Variants in ACOXL observed in about 807,000 individuals in gnomAD.
The protein encoded by ACOXL is acyl-CoA oxidase like.
ACOXL carries 70 observed loss-of-function variants against 71.9 expected under a neutral mutation model. The observed-to-expected ratio is 0.97, with a 90% CI of 0.80 to 1.19. The LOEUF is 1.19. Ranked by LOEUF, ACOXL falls within the 50% of genes most tolerant of loss-of-function variation. ACOXL has a pLI of 0.00. For synonymous variants in ACOXL, 253 were observed against 281.6 expected, an observed-to-expected ratio of 0.90 and a Z score of 1.02; for missense variants, 703 against 736.3, an observed-to-expected ratio of 0.95 and a Z score of 0.52.
chr2:110,929,219 T>C (rs890560706), intron 11 of ACOXL, among the ~76,000 whole-genome samples: 2 of 152,154 alleles, frequency 1.3e-5, no homozygotes, highest in African/African-American at 2.4e-5. Context: ...GATAATGATA[T>C]GGACAATGAA....
chr2:110,801,749 G>A, intron 8 of ACOXL, 25 bp downstream of exon 8: 1 of 1,603,812 alleles, frequency 6.2e-7, no homozygotes, highest in Non-Finnish European at 8.5e-7. Context: ...CTTAACTCAG[G>A]TCAATGGTGC....
chr2:110,776,952 G>A (rs1682726784), intron 2 of ACOXL, among the ~76,000 whole-genome samples: 2 of 151,778 alleles, frequency 1.3e-5, no homozygotes, highest in African/African-American at 4.8e-5. Flanking sequence ...GCAGGAATGG[G>A]GATTCTACTG....
At chr2:111,108,206 TAAATA>T (rs1383513726) in intron 17 of ACOXL, among the ~76,000 whole-genome samples, 1 of 152,112 alleles carries the variant, frequency 6.6e-6, no homozygotes, top group Non-Finnish European at 1.5e-5. Flanking sequence ...AGTTACCCTT[TAAATA>T]AAATAATAAT....
rs557961080 is a variant in ACOXL, at chr2:111,094,602, C to G, written c.1542+1636C>G. On this transcript the variant is annotated intron_variant, in intron 17 of 17. Coordinates refer to ENST00000439055, the MANE Select transcript of ACOXL (RefSeq NM_001142807.4). ...ACACTCCTGAGATGACAGCATTAAT[C>G]CATTCATGAGGGCAGAGCTGTCATG... Among the ~76,000 whole-genome samples, 3 of 152,296 alleles carry G rather than the reference C, an allele frequency of 2.0e-5. No homozygotes were observed. In the East Asian group the frequency reaches 5.8e-4, roughly 29 times the overall value.
intron 12 of ACOXL, among the ~76,000 whole-genome samples, chr2:110,980,135 T>C (rs916811737): frequency 1.3e-5 from 2 of 152,212 alleles, no homozygotes; most frequent in African/African-American, 4.8e-5. Flanking sequence ...ATCCTGGGCT[T>C]AGCCCCTCTG....
At chr2:111,063,669 T>C (rs2066921714) in intron 16 of ACOXL, among the ~76,000 whole-genome samples, 2 of 152,182 alleles carry the variant, frequency 1.3e-5, no homozygotes, top group African/African-American at 4.8e-5. Context: ...TAGCTAACAT[T>C]ATACTTAGTG....
chr2:111,059,474 A>T (rs1346333564), intron 16 of ACOXL, among the ~76,000 whole-genome samples: 1 of 152,256 alleles, frequency 6.6e-6, no homozygotes, highest in Non-Finnish European at 1.5e-5. Context: ...TGGATGAAAA[A>T]TAACACCCAA....
At chr2:110,841,179 A>T (rs192707061) in intron 9 of ACOXL, among the ~76,000 whole-genome samples, 192 bp from the exon 10 acceptor site, 1 of 152,328 alleles carries the variant, frequency 6.6e-6, no homozygotes, top group African/African-American at 2.4e-5. Flanking sequence ...CTCTTTCAAA[A>T]TACAAATTAT....
intron 12 of ACOXL, among the ~76,000 whole-genome samples, chr2:110,972,636 C>T (rs974066333): frequency 2.5e-5 from 3 of 120,270 alleles, no homozygotes; most frequent in Admixed American, 1.9e-4. Flanking sequence ...CGCACATGCA[C>T]ACACACACAC....
Position 110,803,206 on chromosome 2 carries a change from C to A in ACOXL, c.620+1482C>A, listed in dbSNP as rs558347661. Among the ~76,000 whole-genome samples the A allele has an allele frequency of 2.6e-5, 4 of 152,202 alleles. No individual in the cohort carries two copies. In the South Asian group the frequency reaches 8.3e-4, roughly 32 times the overall value. Reference sequence around the variant, plus strand: ...AGCATTCATATGGAAATGCAGGAAACTTAGAATAGCCAAAACAATCTTGAT... The same window carrying A: ...AGCATTCATATGGAAATGCAGGAAAATTAGAATAGCCAAAACAATCTTGAT... On this transcript the variant is annotated intron_variant, in intron 8 of 17. Coordinates refer to ENST00000439055, the MANE Select transcript of ACOXL (RefSeq NM_001142807.4).
At chr2:110,774,935 A>G (rs1218542184) in intron 2 of ACOXL, among the ~76,000 whole-genome samples, 1 of 152,262 alleles carries the variant, frequency 6.6e-6, no homozygotes, top group Non-Finnish European at 1.5e-5. Flanking sequence ...CAAAGCTACT[A>G]TAATCAAAAC....
intron 10 of ACOXL, chr2:110,887,815 C>A (rs1697481883): frequency 6.6e-6 from 1 of 152,082 alleles, no homozygotes; most frequent in Admixed American, 6.5e-5. Flanking sequence ...AGTAGAAAGT[C>A]CAGCATTATC....
At chr2:111,028,642 G>T (rs2065124851) in intron 14 of ACOXL, among the ~76,000 whole-genome samples, 1 of 152,112 alleles carries the variant, frequency 6.6e-6, no homozygotes, top group African/African-American at 2.4e-5. Flanking sequence ...TAGATCCTCT[G>T]CAGGAAAGTA....
At chr2:110,736,710 C>T (rs143735868) in intron 1 of ACOXL, among the ~76,000 whole-genome samples, 90 of 152,110 alleles carry the variant, frequency 5.9e-4, no homozygotes, top group Non-Finnish European at 1.0e-3. Flanking sequence ...AGCCCCGCCT[C>T]CCGGGCTCAC....
chr2:111,090,645 G>A (rs2068472103), intron 16 of ACOXL, among the ~76,000 whole-genome samples: 1 of 152,214 alleles, frequency 6.6e-6, no homozygotes, highest in Admixed American at 6.5e-5. Context: ...AGGATGCATG[G>A]TGTGAGCCTG....
At chr2:110,875,452 T>G (rs1695787677) in intron 10 of ACOXL, among the ~76,000 whole-genome samples, 4 of 152,170 alleles carry the variant, frequency 2.6e-5, no homozygotes. Flanking sequence ...CTTGTAGATA[T>G]GGGGAGGTGT....
intron 3 of ACOXL, among the ~76,000 whole-genome samples, chr2:110,791,075 G>A (rs1684591343): frequency 6.6e-6 from 1 of 152,260 alleles, no homozygotes; most frequent in South Asian, 2.1e-4. Flanking sequence ...TGTCAGGCCA[G>A]GGAGCCCTCC....
rs368294248 is a variant in ACOXL, at chr2:110,949,035, A to G, written c.1059+15393A>G. 2.6e-4 allele frequency among the ~76,000 whole-genome samples: 39 copies of G among 151,944 alleles called. No homozygotes were observed. In the East Asian group the frequency reaches 7.0e-3, roughly 27 times the overall value. On this transcript the variant is annotated intron_variant, in intron 12 of 17. Coordinates refer to ENST00000439055, the MANE Select transcript of ACOXL (RefSeq NM_001142807.4). Reference sequence around the variant, plus strand: ...GCAGAGGCCCTTTTGCTCCCTATACAATTTCTTAAGAAGCAGAACCATGAA... The same window carrying G: ...GCAGAGGCCCTTTTGCTCCCTATACGATTTCTTAAGAAGCAGAACCATGAA...
At chr2:110,759,421 T>G (rs1292044088) in intron 1 of ACOXL, among the ~76,000 whole-genome samples, 3 of 152,194 alleles carry the variant, frequency 2.0e-5, no homozygotes, top group Non-Finnish European at 4.4e-5. Context: ...AACACTTTAC[T>G]GTTATGTAAT....
Sources: allele counts gnomAD v4.1 joint callset (sites outside exome capture counted in the v4.1 genomes callset), GRCh38; gene constraint gnomAD v4.1.1; transcripts MANE v1.5; gene names NCBI Gene and HGNC (gene_info 2026-07-23, HGNC 2026-07-21).